The following MYO7B variants were observed in gnomAD, a reference collection of about 807,000 sequenced individuals.
The protein encoded by MYO7B is unconventional myosin-VIIb.
MYO7B carries 212 observed loss-of-function variants against 259.7 expected under a neutral mutation model. The ratio of observed to expected loss-of-function variants is 0.82; its 90% CI spans 0.73 to 0.91. The LOEUF (loss-of-function observed/expected upper bound fraction) is 0.91, where lower values mean the gene tolerates loss of function less well. Among genes scored for constraint, MYO7B ranks in the 40% least tolerant of loss-of-function variants. The pLI is 0.00. For synonymous variants in MYO7B, 1,197 were observed against 1,166.4 expected (o/e 1.03, Z -0.54); for missense variants, 2,732 against 2,813.5 (o/e 0.97, Z 0.66).
Position 127,576,856 on chromosome 2 carries a change from G to A in MYO7B, c.849+148G>A, listed in dbSNP as rs1678891507. On this transcript the variant is annotated intron_variant, in intron 8 of 47. Transcript: ENST00000409816. The surrounding 1 kb of genome is among the most constrained non-coding windows in gnomAD (Gnocchi z 4.9). ...TGGTTCCCTTTGCCTCTCCTCGCCA[G>A]CCCCTCTCTGCTGGGAATCACCTTG... The A allele has an allele frequency of 3.5e-6, 2 of 571,012 alleles. No homozygotes were observed. Among genetic ancestry groups the A allele is most frequent in the Middle Eastern group, 9.3e-4 (2 of 2,160 alleles). The allele number at this position is 571,012 out of a possible 1,614,324, so 35.4% of individuals were successfully genotyped here.
At chr2:127,626,352 G>C (rs573038838) in intron 31 of MYO7B, 5 of 153,040 alleles carry the variant, frequency 3.3e-5, no homozygotes, top group African/African-American at 7.2e-5. Flanking sequence ...AGGCTGGCAA[G>C]AGCGAGCCTG....
Position 127,628,475 on chromosome 2 carries a change from C to T in MYO7B, c.4564C>T (p.Leu1522=). ...CATCGCTGAGCTGGTGGCCCTGTTC[C>T]TGGAGGGCCTGAAGGAGAGGTCCAT... ...VAIAELVALF[L]EGLKERSIFA... is the part of the protein sequence containing the mutation. The change falls in exon 34 of 48, where the codon CTG becomes TTG. Residue 1522 remains leucine, a synonymous_variant. Coordinates refer to ENST00000409816, the MANE Select transcript of MYO7B (RefSeq NM_001393586.1). The surrounding 1 kb of genome is among the most constrained non-coding windows in gnomAD (Gnocchi z 4.8). 1 of 1,545,188 alleles carries T rather than the reference C, an allele frequency of 6.5e-7. No individual in the cohort carries two copies. Among genetic ancestry groups the T allele is most frequent in the Non-Finnish European group, 8.7e-7 (1 of 1,145,552 alleles).
At chr2:127,551,082 T>A (rs1461554715) in intron 1 of MYO7B, among the ~76,000 whole-genome samples, 1 of 37,734 alleles carries the variant, frequency 2.7e-5, no homozygotes, top group African/African-American at 1.0e-4. Flanking sequence ...GAGGATGGGG[T>A]GGGGGTGGGG....
At chr2:127,588,686 T>A in intron 15 of MYO7B, 131 bp downstream of exon 15, 1 of 992,726 alleles carries the variant, frequency 1.0e-6, no homozygotes, top group Non-Finnish European at 1.5e-6. Context: ...AATCCTGCAA[T>A]GGATGGATGG....
intron 26 of MYO7B, among the ~76,000 whole-genome samples, chr2:127,618,251 G>A (rs1680661858): frequency 6.6e-6 from 1 of 152,144 alleles, no homozygotes; most frequent in African/African-American, 2.4e-5. Flanking sequence ...ATTACGAGAC[G>A]GAACGAAGGG....
chr2:127,582,123 C>T lies in MYO7B; in HGVS notation c.1200+113C>T, dbSNP rs187559130. On this transcript the variant is annotated intron_variant, in intron 11 of 47. Transcript: ENST00000409816. Reference sequence around the variant, plus strand: ...AGAGGGCCCTGGGCAGGTCCCCACTCTGCCAGTCACCTGCCTGGTGACCAT... The same window carrying T: ...AGAGGGCCCTGGGCAGGTCCCCACTTTGCCAGTCACCTGCCTGGTGACCAT... 3,173 of 1,527,000 alleles carry T rather than the reference C, an allele frequency of 2.1e-3. 5 individuals carry two copies. The highest frequency in any genetic ancestry group is 2.6e-3 in the Non-Finnish European group (2,945 of 1,129,688). 94.6% of individuals were successfully genotyped at this position (1,527,000 alleles called of 1,614,324 possible).
intron 26 of MYO7B, among the ~76,000 whole-genome samples, chr2:127,616,387 C>T (rs982617101): frequency 1.3e-5 from 2 of 152,162 alleles, no homozygotes; most frequent in East Asian, 1.9e-4. Context: ...CTGACCTCCT[C>T]GCTTCTTCTT....
intron 3 of MYO7B, among the ~76,000 whole-genome samples, 199 bp from the exon 4 acceptor site, chr2:127,565,034 G>C (rs1282329332): frequency 1.3e-5 from 2 of 152,224 alleles, no homozygotes; most frequent in Non-Finnish European, 2.9e-5. Flanking sequence ...CCCAGCCATA[G>C]ATGGACCGGA....
At chr2:127,544,190 C>T (rs1253332171) in intron 1 of MYO7B, among the ~76,000 whole-genome samples, 2 of 152,118 alleles carry the variant, frequency 1.3e-5, no homozygotes, top group African/African-American at 2.4e-5. Flanking sequence ...GATCCTCCCA[C>T]CTCAGCCTCT....
chr2:127,635,585 G>A (rs923623544), intron 43 of MYO7B, 137 bp from the exon 44 acceptor site: 3 of 962,984 alleles, frequency 3.1e-6, no homozygotes, highest in African/African-American at 3.3e-5. Flanking sequence ...CCCCTGGCCT[G>A]AAACTCTCTA....
Position 127,627,834 on chromosome 2 carries a change from C to A in MYO7B, c.4460+524C>A. The A allele has an allele frequency of 2.2e-6, 1 of 457,994 alleles. No homozygotes were observed. 28.4% of individuals were successfully genotyped at this position (457,994 alleles called of 1,614,324 possible). A position where few individuals can be genotyped will look rare whatever the true frequency, so the allele number is the denominator to read the frequency against. Reference sequence around the variant, plus strand: ...AAGTCCCACCCAAGCCCTGCCAGAGCGCCCCTTGGTTGAAGCACACAACAG... The same window carrying A: ...AAGTCCCACCCAAGCCCTGCCAGAGAGCCCCTTGGTTGAAGCACACAACAG... On this transcript the variant is annotated intron_variant, in intron 33 of 47. Coordinates refer to ENST00000409816, the MANE Select transcript of MYO7B (RefSeq NM_001393586.1). The surrounding 1 kb of genome is among the most constrained non-coding windows in gnomAD (Gnocchi z 5.6).
chr2:127,637,290 C>T, intron 47 of MYO7B, 26 bp from the exon 48 acceptor site: 3 of 1,476,564 alleles, frequency 2.0e-6, no homozygotes, highest in Non-Finnish European at 2.7e-6. Flanking sequence ...CACCCACAGC[C>T]TCTGACCCCC....
chr2:127,571,851 A>G (rs1322494635), intron 6 of MYO7B, among the ~76,000 whole-genome samples: 2 of 152,226 alleles, frequency 1.3e-5, no homozygotes, highest in South Asian at 2.1e-4. Context: ...TACATCTTAT[A>G]TTGTGTCCGA....
chr2:127,632,486 C>T (rs2105137968), intron 39 of MYO7B, 85 bp downstream of exon 39: 1 of 1,465,146 alleles, frequency 6.8e-7, no homozygotes, highest in East Asian at 2.5e-5. Context: ...CTTCCAGGAG[C>T]TCATGGTCCT....
rs920022013 is a variant in MYO7B at position 127,585,129 on chromosome 2, C to G, written c.1690+216C>G. 1.3e-5 allele frequency among the ~76,000 whole-genome samples: 2 copies of G among 152,112 alleles called. No individual in the cohort carries two copies. Among genetic ancestry groups the G allele is most frequent in the South Asian group, 2.1e-4 (1 of 4,826 alleles). ...CTCTGTTGAGACATAATTCACATAC[C>G]ATGTTATTTACCTATTTTAAGTGTA... On this transcript the variant is annotated intron_variant, in intron 14 of 47. Coordinates refer to ENST00000409816, the MANE Select transcript of MYO7B (RefSeq NM_001393586.1). This position sits in a 1 kb window ranked among gnomAD's most constrained non-coding sequence, Gnocchi z 4.3.
At chr2:127,631,537 C>A in intron 37 of MYO7B, 63 bp from the exon 38 acceptor site, 1 of 1,576,498 alleles carries the variant, frequency 6.3e-7, no homozygotes. Flanking sequence ...TCGGGGTCAG[C>A]GTCTATCCCC....
intron 6 of MYO7B, among the ~76,000 whole-genome samples, chr2:127,573,437 A>C (rs1678730016): frequency 6.6e-6 from 1 of 152,236 alleles, no homozygotes. Flanking sequence ...CCTGGCCTGG[A>C]CACGCTGTTG....
rs1251264716 is a variant in MYO7B, at chr2:127,581,213, A to G, written c.1080+391A>G. On this transcript the variant is annotated intron_variant, in intron 10 of 47. Coordinates refer to ENST00000409816, the MANE Select transcript of MYO7B (RefSeq NM_001393586.1). Reference sequence around the variant, plus strand: ...CCCGCAGGGCTTCTCCGGGGCTTGCACTATTCTGGGAGAGTGGAATGTGCC... The same window carrying G: ...CCCGCAGGGCTTCTCCGGGGCTTGCGCTATTCTGGGAGAGTGGAATGTGCC... Among the ~76,000 whole-genome samples, 9 of 152,076 alleles carry G rather than the reference A, an allele frequency of 5.9e-5. 1 individual carries two copies. The East Asian group carries it at 1.8e-3, about 30-fold the overall frequency.
chr2:127,580,704 C>A, intron 9 of MYO7B, 42 bp from the exon 10 acceptor site: 1 of 1,576,938 alleles, frequency 6.3e-7, no homozygotes, highest in Non-Finnish European at 8.6e-7. Flanking sequence ...TCCCATCGCT[C>A]CAGGCTGCTT....
Sources: gnomAD v4.1 joint callset for allele counts (sites outside exome capture counted in the v4.1 genomes callset) on GRCh38, gnomAD v4.1.1 for gene constraint, Gnocchi (gnomAD v3.1) non-coding constraint, MANE v1.5 for transcripts, NCBI Gene and HGNC (gene_info 2026-07-23, HGNC 2026-07-21) for gene names.